SLC6A14: variants seen among roughly 807,000 people sequenced by gnomAD.
The protein encoded by SLC6A14 is solute carrier family 6 member 14.
SLC6A14 carries 21 observed loss-of-function variants against 51.4 expected under a neutral mutation model. That is an observed-to-expected ratio of 0.41 (90% confidence interval 0.29 to 0.59). The LOEUF (loss-of-function observed/expected upper bound fraction) is 0.59. SLC6A14 is among the 20% of genes least tolerant of loss of function. SLC6A14 has a pLI of 0.31. For missense variants in SLC6A14, 371 were observed against 472.8 expected (o/e 0.78, Z 2.00); for synonymous variants, 177 against 160.7 (o/e 1.10, Z -0.77).
chrX:116,446,726 T>G lies in SLC6A14; in HGVS notation c.790-15T>G. The G allele has an allele frequency of 1.7e-6, 2 of 1,185,637 alleles. No homozygotes were observed. The highest frequency in any genetic ancestry group is 2.3e-6 in the Non-Finnish European group (2 of 873,859). Reference sequence around the variant, plus strand: ...TAAAAATAATTTACTAATTTTTGGTTACTTTTCTTGGTAGGTGGTATATTT... The same window carrying G: ...TAAAAATAATTTACTAATTTTTGGTGACTTTTCTTGGTAGGTGGTATATTT... On this transcript the variant is annotated splice_polypyrimidine_tract_variant and intron_variant, in intron 6 of 13. Coordinates refer to ENST00000598581, the MANE Select transcript of SLC6A14 (RefSeq NM_007231.5).
intron 13 of SLC6A14, among the ~76,000 whole-genome samples, chrX:116,458,504 A>G (rs1398006413): frequency 9.0e-6 from 1 of 111,511 alleles, no homozygotes; most frequent in Non-Finnish European, 1.9e-5. Context: ...GTGAAGGTAC[A>G]GAGTAGTCAC....
rs188180559 is a variant in SLC6A14 at position 116,461,350 on chromosome X, A to G, written c.*2395A>G. On this transcript the variant is annotated 3_prime_UTR_variant, in exon 14 of 14. Transcript: ENST00000598581. ...TACATAATGGAAAACATTTACATCA[A>G]ATCCCACTTACTTTAATGCGAACTT... is the stretch of plus-strand genomic sequence containing the variant. The G allele has an allele frequency of 7.7e-6, 1 of 130,142 alleles. No individual in the cohort carries two copies. The highest frequency in any genetic ancestry group is 8.3e-5 in the Admixed American group (1 of 11,982). 10.7% of individuals were successfully genotyped at this position (130,142 alleles called of 1,213,427 possible). A position where few individuals can be genotyped will look rare whatever the true frequency, so the allele number is the denominator to read the frequency against.
At position 116,437,886 on chromosome X, in the gene SLC6A14, A is replaced by G. The variant is rs369863561; in HGVS notation, c.145A>G (p.Met49Val). Residue 49 changes from methionine to valine, a missense_variant, in exon 2 of 14, where the codon ATG (methionine) becomes GTG (valine). Transcript: ENST00000598581. The stretch of plus-strand genomic sequence containing the variant: ...CAAAAAATCGGATTATCTTCTATCT[A>G]TGATTGGATACGCAGTGGGATTAGG... ...WSKKSDYLLS[M>V]IGYAVGLGNV... 3.1e-5 allele frequency: 37 copies of G among 1,205,864 alleles called. No individual in the cohort carries two copies. Among genetic ancestry groups the G allele is most frequent in the Non-Finnish European group, 3.8e-5 (34 of 891,651 alleles).
chrX:116,455,869 G>T (rs1474864121), intron 12 of SLC6A14, among the ~76,000 whole-genome samples: 3 of 111,243 alleles, frequency 2.7e-5, no homozygotes, highest in Non-Finnish European at 3.8e-5. Context: ...TCTCTTCAAA[G>T]AATTCAGTTT....
chrX:116,455,153 A>G, intron 11 of SLC6A14, 77 bp downstream of exon 11: 1 of 733,346 alleles, frequency 1.4e-6, no homozygotes, highest in Non-Finnish European at 2.0e-6. Context: ...ATATTTACCT[A>G]ATTATACTAT....
chrX:116,451,338 C>A, intron 7 of SLC6A14, 104 bp from the exon 8 acceptor site: 1 of 575,038 alleles, frequency 1.7e-6, no homozygotes, highest in South Asian at 3.5e-5. Flanking sequence ...TTTGGGTGTT[C>A]ATTTCATTGT....
chrX:116,454,935 CAATT>C (rs782254759), intron 10 of SLC6A14, 38 bp from the exon 11 acceptor site: 3 of 945,636 alleles, frequency 3.2e-6, no homozygotes, highest in Non-Finnish European at 4.5e-6. Flanking sequence ...ATCATAAAAA[CAATT>C]AAAATATACT....
rs1033076222 is a variant in SLC6A14 at position 116,460,029 on chromosome X, A to G, written c.*1074A>G. The G allele has an allele frequency of 2.7e-5, 3 of 111,985 alleles. No homozygotes were observed. Among genetic ancestry groups the G allele is most frequent in the Admixed American group, 9.5e-5 (1 of 10,545 alleles). The allele number at this position is 111,985 out of a possible 1,213,427, so 9.2% of individuals were successfully genotyped here. On this transcript the variant is annotated 3_prime_UTR_variant, in exon 14 of 14. Coordinates refer to ENST00000598581, the MANE Select transcript of SLC6A14 (RefSeq NM_007231.5). The stretch of plus-strand genomic sequence containing the variant: ...AATTAAATATATCACTAAGAGCTTT[A>G]TATATTGATTATATATTGTTGACAA...
rs149715958 is a variant in SLC6A14, at chrX:116,459,175, A to AACACACAC, written c.*229_*236dup. 3.2e-5 allele frequency: 9 copies of AACACACAC among 281,455 alleles called. No individual in the cohort carries two copies. The highest frequency in any genetic ancestry group is 6.3e-5 in the Admixed American group (1 of 15,979). 23.2% of individuals were successfully genotyped at this position (281,455 alleles called of 1,213,427 possible). A position where few individuals can be genotyped will look rare whatever the true frequency, so the allele number is the denominator to read the frequency against. On this transcript the variant is annotated 3_prime_UTR_variant, in exon 14 of 14. Transcript: ENST00000598581. ...TTCTTTTTAGATTGTCTATCTGTAT[A>AACACACAC]ACACACACACACACACCTAAGAGTC...
Position 116,437,268 on chromosome X carries a change from T to C in SLC6A14, c.48+511T>C, listed in dbSNP as rs996950737. ...GTTAAACTACCCTTAACTTGATACA[T>C]CCAATACTATCAAGCCATAAGAAAA... On this transcript the variant is annotated intron_variant, in intron 1 of 13. Coordinates refer to ENST00000598581, the MANE Select transcript of SLC6A14 (RefSeq NM_007231.5). 1.0e-3 allele frequency among the ~76,000 whole-genome samples: 110 copies of C among 109,517 alleles called. 1 individual carries two copies. The highest frequency in any genetic ancestry group is 3.4e-3 in the African/African-American group (101 of 30,058).
chrX:116,457,684 G>T lies in SLC6A14; in HGVS notation c.1690G>T (p.Ala564Ser), dbSNP rs782323606. Residue 564 changes from alanine (A) to serine (S), a missense_variant, in exon 13 of 14, where the codon GCT becomes TCT. This residue lies in a region of SLC6A14 where 94 missense variants were observed against 81.0 expected (regional missense o/e 1.16). Coordinates refer to ENST00000598581, the MANE Select transcript of SLC6A14 (RefSeq NM_007231.5). ...AATTCCATACCCTGACTGGGGAGTT[G>T]CTTTAGGCTGGTGTATGATTGTTTT... is the stretch of plus-strand genomic sequence containing the variant. Reference protein sequence around the residue: ...GAIPYPDWGVALGWCMIVFCI... With the variant: ...GAIPYPDWGVSLGWCMIVFCI... 8 of 1,202,366 alleles carry T rather than the reference G, an allele frequency of 6.7e-6. No homozygotes were observed. In the South Asian group the frequency reaches 1.2e-4, roughly 19 times the overall value.
intron 6 of SLC6A14, 98 bp downstream of exon 6, chrX:116,445,148 T>C (rs1927681062): frequency 3.5e-6 from 3 of 856,339 alleles, no homozygotes; most frequent in African/African-American, 4.1e-5. Flanking sequence ...TTTTCTATAA[T>C]GGGAGCATTC....
chrX:116,442,908 T>C, intron 4 of SLC6A14, 60 bp downstream of exon 4: 1 of 848,432 alleles, frequency 1.2e-6, no homozygotes, highest in African/African-American at 2.1e-5. Flanking sequence ...GCTTGAAGGG[T>C]CAAATCATTC....
At chrX:116,436,808 T>C in intron 1 of SLC6A14, 51 bp downstream of exon 1, 1 of 1,067,171 alleles carries the variant, frequency 9.4e-7, no homozygotes, top group Non-Finnish European at 1.3e-6. Context: ...AGTGGAAAAC[T>C]TAAGGGGGGT....
chrX:116,437,629 T>C (rs949822663), intron 1 of SLC6A14, among the ~76,000 whole-genome samples, 161 bp from the exon 2 acceptor site: 1 of 112,140 alleles, frequency 8.9e-6, no homozygotes, highest in Admixed American at 9.5e-5. Context: ...TAAAAGCAGC[T>C]ATCAGCAGAA....
chrX:116,445,101 G>T, intron 6 of SLC6A14, 51 bp downstream of exon 6: 2 of 1,088,867 alleles, frequency 1.8e-6, no homozygotes, highest in East Asian at 3.2e-5. Flanking sequence ...CCAATTTCAT[G>T]GTAGTTCAAT....
chrX:116,444,833 A>G, intron 5 of SLC6A14, 85 bp from the exon 6 acceptor site: 1 of 988,437 alleles, frequency 1.0e-6, no homozygotes, highest in Non-Finnish European at 1.4e-6. Context: ...TGAAGCTTCG[A>G]CCTGGATAAA....
Position 116,441,116 on chromosome X carries a change from T to G in SLC6A14, c.346+19T>G. The G allele has an allele frequency of 2.2e-5, 27 of 1,205,125 alleles. No homozygotes were observed. Among genetic ancestry groups the G allele is most frequent in the Non-Finnish European group, 3.0e-5 (27 of 890,911 alleles). ...TTTCAAGGTTGGTATTAAAGCGTTT[T>G]CTTGGTATTAAAGCATTTTCTTCAC... On this transcript the variant is annotated intron_variant, in intron 3 of 13. Coordinates refer to ENST00000598581, the MANE Select transcript of SLC6A14 (RefSeq NM_007231.5).
In SLC6A14 at chrX:116,455,342, C is replaced by T. The variant is rs782721593; in HGVS notation, c.1505-15C>T. 2.3e-5 allele frequency: 26 copies of T among 1,152,463 alleles called. No individual in the cohort carries two copies. Among genetic ancestry groups the T allele is most frequent in the Non-Finnish European group, 3.1e-5 (26 of 845,779 alleles). The allele number at this position is 1,152,463 out of a possible 1,213,427, so 95.0% of individuals were successfully genotyped here. On this transcript the variant is annotated splice_polypyrimidine_tract_variant and intron_variant, in intron 11 of 13. Transcript: ENST00000598581. ...AATATTAGCAAGCACTCAATGTACT[C>T]TTTGTTTTCTTTAGGAGGGAACAGA...
Sources: allele counts gnomAD v4.1 joint callset (sites outside exome capture counted in the v4.1 genomes callset), GRCh38; gene constraint gnomAD v4.1.1; regional missense constraint gnomAD v4.1.1; transcripts MANE v1.5; gene names NCBI Gene and HGNC (gene_info 2026-07-23, HGNC 2026-07-21).